The following CHN2 variants were observed in gnomAD, a reference collection of about 807,000 sequenced individuals.
The protein encoded by CHN2 is beta-chimaerin.
A neutral mutation model predicts 56.3 loss-of-function variants in CHN2; 35 were observed. The observed-to-expected ratio is 0.62, with a 90% confidence interval of 0.47 to 0.82. The LOEUF is 0.82. Ranked by LOEUF, CHN2 falls within the 40% of genes least tolerant of loss-of-function variation. The pLI, the probability that CHN2 is intolerant of heterozygous loss-of-function variation, is 0.00. For synonymous variants in CHN2, 210 were observed against 212.8 expected, an observed-to-expected ratio of 0.99 and a Z score of 0.12; for missense variants, 491 against 580.5, an observed-to-expected ratio of 0.85 and a Z score of 1.58.
chr7:29,296,539 C>A (rs1793172808), intron 1 of CHN2, among the ~76,000 whole-genome samples: 1 of 152,178 alleles, frequency 6.6e-6, no homozygotes, highest in African/African-American at 2.4e-5. Flanking sequence ...GTCAGATACT[C>A]CAGAGAAGAG....
chr7:29,474,214 C>G (rs1459114310), intron 6 of CHN2, among the ~76,000 whole-genome samples: 2 of 152,152 alleles, frequency 1.3e-5, no homozygotes, highest in Admixed American at 6.5e-5. Flanking sequence ...ATTAAATGTT[C>G]TTTTAATTGT....
chr7:29,164,161 C>A (rs1795577093), intron 2 of CHN2, among the ~76,000 whole-genome samples: 1 of 152,212 alleles, frequency 6.6e-6, no homozygotes, highest in African/African-American at 2.4e-5. Context: ...TCCTTCCCAA[C>A]ACTTATTGTG....
intron 10 of CHN2, 58 bp downstream of exon 10, chr7:29,504,879 G>A: frequency 8.0e-7 from 1 of 1,253,682 alleles, no homozygotes; most frequent in Non-Finnish European, 1.2e-6. Flanking sequence ...TCGATTGGAA[G>A]TAGGTTTTAA....
intron 1 of CHN2, among the ~76,000 whole-genome samples, chr7:29,290,326 C>T (rs531886666): frequency 6.6e-6 from 1 of 152,348 alleles, no homozygotes; most frequent in Non-Finnish European, 1.5e-5. Flanking sequence ...GCACATCCCA[C>T]CTGAAGCTTG....
intron 6 of CHN2, among the ~76,000 whole-genome samples, chr7:29,459,316 T>G (rs868283842): frequency 7.9e-5 from 12 of 152,248 alleles, no homozygotes; most frequent in African/African-American, 1.7e-4. Context: ...TTGCCACTAA[T>G]TCTCTTTCTC....
intron 1 of CHN2, among the ~76,000 whole-genome samples, chr7:29,348,905 C>G (rs1366048932): frequency 6.6e-6 from 1 of 151,888 alleles, no homozygotes; most frequent in Non-Finnish European, 1.5e-5. Context: ...TATAGCAAGC[C>G]TTAATAATTG....
intron 4 of CHN2, among the ~76,000 whole-genome samples, chr7:29,395,291 G>A (rs1801658824): frequency 6.6e-6 from 1 of 152,206 alleles, no homozygotes; most frequent in Non-Finnish European, 1.5e-5. Flanking sequence ...GGGAGGCCAG[G>A]GAAGGCAGAT....
At chr7:29,483,729 C>G (rs59934700) in intron 7 of CHN2, 15,956 of 754,130 alleles carry the variant, frequency 0.021, 1,245 homozygotes, top group African/African-American at 0.21. Context: ...CCTAATAATA[C>G]CTTATGGCTG....
intron 2 of CHN2, among the ~76,000 whole-genome samples, chr7:29,169,581 C>T (rs1211871312): frequency 1.3e-5 from 2 of 152,136 alleles, no homozygotes; most frequent in Non-Finnish European, 2.9e-5. Flanking sequence ...TGAAGAGTAA[C>T]TGAAAAGACC....
In CHN2 at chr7:29,169,861, C is replaced by CGTGTGTGTGT. The variant is rs71555785; in HGVS notation, c.274+22912_274+22921dup. Among the ~76,000 whole-genome samples, 19 of 147,930 alleles carry CGTGTGTGTGT rather than the reference C, an allele frequency of 1.3e-4. No individual in the cohort carries two copies. The East Asian group carries it at 2.6e-3, about 20-fold the overall frequency. ...ACACACATATATATAAGTATATATA[C>CGTGTGTGTGT]GTGTGTGTGTGTGTGTGTGTATATA... On this transcript the variant is annotated intron_variant, in intron 2 of 6. Transcript: ENST00000439384.
At chr7:29,262,443 G>A (rs759897996) in intron 1 of CHN2, among the ~76,000 whole-genome samples, 1 of 152,222 alleles carries the variant, frequency 6.6e-6, no homozygotes, top group Non-Finnish European at 1.5e-5. Context: ...TAAAGAGAGT[G>A]TATTAAAGAG....
At chr7:29,363,132 A>G (rs2128034577) in intron 2 of CHN2, among the ~76,000 whole-genome samples, 1 of 152,332 alleles carries the variant, frequency 6.6e-6, no homozygotes, top group Middle Eastern at 3.4e-3. Context: ...ATTCTGCTAA[A>G]AAGCAGCTTA....
intron 6 of CHN2, among the ~76,000 whole-genome samples, chr7:29,405,221 A>ACACACACACACACG (rs1802552624): frequency 1.4e-5 from 2 of 141,424 alleles, no homozygotes; most frequent in East Asian, 2.0e-4. Flanking sequence ...ACACACACAC[A>ACACACACACACACG]CGGCAGTTCC....
chr7:29,504,452 A>C (rs1375033200), intron 9 of CHN2, among the ~76,000 whole-genome samples: 1 of 152,202 alleles, frequency 6.6e-6, no homozygotes, highest in Non-Finnish European at 1.5e-5. Context: ...AAAGGAAGTA[A>C]GGGAACGGTC....
rs189959490 is a variant in CHN2, at chr7:29,440,991, G to A, written c.577-39288G>A. 1.1e-3 allele frequency among the ~76,000 whole-genome samples: 168 copies of A among 152,138 alleles called. 1 individual carries two copies. Among genetic ancestry groups the A allele is most frequent in the African/African-American group, 3.9e-3 (162 of 41,496 alleles). On this transcript the variant is annotated intron_variant, in intron 6 of 12. Coordinates refer to ENST00000222792, the MANE Select transcript of CHN2 (RefSeq NM_004067.4). ...TGATGTTATGTTTTTTTAATACAAT[G>A]TGAAATGATTAGATCAGGCTAATTA... is the stretch of plus-strand genomic sequence containing the variant.
chr7:29,412,289 T>A (rs1181970422), intron 6 of CHN2, among the ~76,000 whole-genome samples: 1 of 150,430 alleles, frequency 6.6e-6, no homozygotes, highest in African/African-American at 2.5e-5. Context: ...TAAATGCATT[T>A]CAGTAAGATT....
intron 6 of CHN2, among the ~76,000 whole-genome samples, chr7:29,431,084 G>A (rs532302701): frequency 2.0e-5 from 3 of 152,272 alleles, no homozygotes; most frequent in African/African-American, 4.8e-5. Context: ...ACCAGTAAGC[G>A]TACCTGGTAT....
intron 3 of CHN2, among the ~76,000 whole-genome samples, chr7:29,375,244 G>A (rs1454271130): frequency 5.3e-5 from 7 of 131,872 alleles, no homozygotes; most frequent in African/African-American, 2.1e-4. Flanking sequence ...TGTGGCCCAG[G>A]CTGGAGTGCA....
intron 6 of CHN2, among the ~76,000 whole-genome samples, chr7:29,447,182 A>C (rs1784092371): frequency 6.6e-6 from 1 of 152,156 alleles, no homozygotes; most frequent in Non-Finnish European, 1.5e-5. Flanking sequence ...AGATGCTACA[A>C]TGAGCAGACA....
Sources: allele counts gnomAD v4.1 joint callset (sites outside exome capture counted in the v4.1 genomes callset), GRCh38; gene constraint gnomAD v4.1.1; transcripts MANE v1.5; gene names NCBI Gene and HGNC (gene_info 2026-07-23, HGNC 2026-07-21).